The following FAT3 variants were observed in gnomAD, a reference collection of about 807,000 sequenced individuals.
FAT3 encodes the protein FAT atypical cadherin 3.
In FAT3, 95 loss-of-function variants were observed where a neutral mutation model predicts 310.2. The observed-to-expected ratio is 0.31, with a 90% CI of 0.26 to 0.36. FAT3 has a LOEUF of 0.36. Ranked by LOEUF, FAT3 falls within the 10% of genes least tolerant of loss-of-function variation. FAT3 has a pLI of 1.00. For synonymous variants in FAT3, 2,314 were observed against 2,192.9 expected (o/e 1.06, Z -1.54); for missense variants, 5,408 against 5,715.6 (o/e 0.95, Z 1.74).
At chr11:92,517,473 C>T (rs977353501) in intron 2 of FAT3, among the ~76,000 whole-genome samples, 1 of 152,158 alleles carries the variant, frequency 6.6e-6, no homozygotes, top group East Asian at 1.9e-4. Flanking sequence ...AAAATTAACT[C>T]AAGATGAATT....
chr11:92,614,693 GA>G (rs1275038307), intron 3 of FAT3, among the ~76,000 whole-genome samples: 1 of 151,946 alleles, frequency 6.6e-6, no homozygotes, highest in Non-Finnish European at 1.5e-5. Flanking sequence ...CTTATTTGAA[GA>G]AAAAAAGTTT....
chr11:92,771,992 G>T (rs1946470942), intron 6 of FAT3, among the ~76,000 whole-genome samples: 1 of 152,054 alleles, frequency 6.6e-6, no homozygotes, highest in Admixed American at 6.6e-5. Context: ...TATGCTTGCT[G>T]GTTCTCTAAA....
intron 3 of FAT3, among the ~76,000 whole-genome samples, chr11:92,684,419 C>T (rs1943572007): frequency 6.6e-6 from 1 of 152,144 alleles, no homozygotes; most frequent in African/African-American, 2.4e-5. Context: ...AGACCCACTG[C>T]CAGTTGCAGC....
intron 3 of FAT3, among the ~76,000 whole-genome samples, chr11:92,558,964 G>A (rs1340078865): frequency 1.3e-5 from 2 of 152,128 alleles, no homozygotes; most frequent in Non-Finnish European, 2.9e-5. Flanking sequence ...CCTTTGGAAC[G>A]CTGTTACATG....
chr11:92,805,337 A>G lies in FAT3; in HGVS notation c.9081A>G (p.Pro3027=), dbSNP rs1180936466. ...VSVSDVNDNS[P]VCDQVAYTAL... is the part of the protein sequence containing the mutation. The stretch of plus-strand genomic sequence containing the variant: ...TCAGTGATGTGAATGACAATAGCCC[A>G]GTGTGTGATCAGGTGAGATTTGGGG... Residue 3027 remains proline, a synonymous_variant, in exon 11 of 28, where the codon CCA becomes CCG. Coordinates refer to ENST00000525166, the MANE Select transcript of FAT3 (RefSeq NM_001367949.2). The G allele has an allele frequency of 8.7e-6, 14 of 1,613,176 alleles. No homozygotes were observed. Among genetic ancestry groups the G allele is most frequent in the Non-Finnish European group, 1.2e-5 (14 of 1,179,460 alleles).
At chr11:92,339,471 A>C (rs977214448) in intron 1 of FAT3, among the ~76,000 whole-genome samples, 1 of 152,218 alleles carries the variant, frequency 6.6e-6, no homozygotes, top group Admixed American at 6.5e-5. Context: ...GTCCAAAGAG[A>C]AAGTGCCTTT....
At position 92,844,515 on chromosome 11, in the gene FAT3, C is replaced by G; in HGVS notation, c.11148C>G (p.Ala3716=). 1 of 1,613,974 alleles carries G rather than the reference C, an allele frequency of 6.2e-7. No homozygotes were observed. The highest frequency in any genetic ancestry group is 8.5e-7 in the Non-Finnish European group (1 of 1,179,882). ...ACAGCAGCGAGTTCTACAAGCCAGC[C>G]TACCTGATCCAGAAGCTGTCCAATG... The part of the protein sequence containing the change: ...EMHSSEFYKP[A]YLIQKLSNAR... The change falls in exon 19 of 28, where the codon GCC becomes GCG. Residue 3716 remains alanine, a synonymous_variant. Coordinates refer to ENST00000525166, the MANE Select transcript of FAT3 (RefSeq NM_001367949.2).
Position 92,534,742 on chromosome 11 carries a change from G to A in FAT3, c.3607+9794G>A, listed in dbSNP as rs181141447. On this transcript the variant is annotated intron_variant, in intron 3 of 27. Transcript: ENST00000525166. ...CGTGCAGAGAAAAAGTAACATTTTC[G>A]TCACCGAAGACAAGATTCATGCCTG... Among the ~76,000 whole-genome samples, 14 of 152,208 alleles carry A rather than the reference G, an allele frequency of 9.2e-5. 1 individual carries two copies. Among genetic ancestry groups the A allele is most frequent in the African/African-American group, 1.2e-4 (5 of 41,540 alleles).
At chr11:92,477,350 T>A (rs1199821299) in intron 2 of FAT3, among the ~76,000 whole-genome samples, 3 of 152,210 alleles carry the variant, frequency 2.0e-5, no homozygotes, top group South Asian at 4.1e-4. Context: ...AAATACAAAC[T>A]GTCAGACTTC....
intron 2 of FAT3, chr11:92,400,086 C>G (rs757080157): frequency 6.6e-6 from 1 of 152,178 alleles, no homozygotes; most frequent in Non-Finnish European, 1.5e-5. Flanking sequence ...AAATACACTT[C>G]GCAGTGGAGT....
At chr11:92,347,679 A>G (rs1275055974) in intron 1 of FAT3, among the ~76,000 whole-genome samples, 2 of 152,170 alleles carry the variant, frequency 1.3e-5, no homozygotes, top group Admixed American at 6.5e-5. Context: ...AGTAAGATCC[A>G]TCCTAACAGA....
intron 2 of FAT3, among the ~76,000 whole-genome samples, chr11:92,373,272 G>C (rs1483890945): frequency 6.6e-6 from 1 of 152,144 alleles, no homozygotes; most frequent in Non-Finnish European, 1.5e-5. Context: ...GCTCATTCAT[G>C]CCTCACATTA....
At chr11:92,711,030 G>T (rs921848302) in intron 4 of FAT3, among the ~76,000 whole-genome samples, 1 of 152,060 alleles carries the variant, frequency 6.6e-6, no homozygotes, top group African/African-American at 2.4e-5. Context: ...TTCATTGTAA[G>T]AAAATTTAAC....
At chr11:92,487,365 A>G (rs953929259) in intron 2 of FAT3, among the ~76,000 whole-genome samples, 1 of 152,168 alleles carries the variant, frequency 6.6e-6, no homozygotes. Context: ...AAAAGTTATA[A>G]TCTTCTGAAA....
At chr11:92,474,077 C>A (rs1285580065) in intron 2 of FAT3, among the ~76,000 whole-genome samples, 2 of 152,174 alleles carry the variant, frequency 1.3e-5, no homozygotes, top group African/African-American at 2.4e-5. Flanking sequence ...AAAGGAGCAG[C>A]CTGATCTTCC....
chr11:92,819,994 G>T (rs1265561955), intron 13 of FAT3, among the ~76,000 whole-genome samples: 2 of 152,152 alleles, frequency 1.3e-5, no homozygotes, highest in African/African-American at 4.8e-5. Context: ...CTTCCCTTGA[G>T]AGTGGGCTGG....
intron 2 of FAT3, among the ~76,000 whole-genome samples, chr11:92,431,936 G>A (rs1048755696): frequency 2.0e-5 from 3 of 152,160 alleles, no homozygotes; most frequent in Admixed American, 6.5e-5. Context: ...GTAGCATGAT[G>A]CCTCCAGCTT....
chr11:92,893,655 A>G lies in FAT3; in HGVS notation c.*2542A>G, dbSNP rs1949963699. 1 of 152,146 alleles carries G rather than the reference A, an allele frequency of 6.6e-6. No individual in the cohort carries two copies. Among genetic ancestry groups the G allele is most frequent in the Non-Finnish European group, 1.5e-5 (1 of 68,024 alleles). 9.4% of individuals were successfully genotyped at this position (152,146 alleles called of 1,614,324 possible). On this transcript the variant is annotated 3_prime_UTR_variant, in exon 28 of 28. Transcript: ENST00000525166. ...CCACCCTTTGCTGTGACCTATATAA[A>G]ATATCTCTTTCTTTGGGATATCATC...
chr11:92,472,261 T>C (rs1341419948), intron 2 of FAT3, among the ~76,000 whole-genome samples: 3 of 152,148 alleles, frequency 2.0e-5, no homozygotes, highest in Non-Finnish European at 2.9e-5. Flanking sequence ...AACTTTTACT[T>C]TTAGCAGTAC....
Sources: allele counts gnomAD v4.1 joint callset (sites outside exome capture counted in the v4.1 genomes callset), GRCh38; gene constraint gnomAD v4.1.1; transcripts MANE v1.5; gene names NCBI Gene and HGNC (gene_info 2026-07-23, HGNC 2026-07-21).